The following MARCHF7 variants were observed in gnomAD, a reference collection of about 807,000 sequenced individuals.
MARCHF7 encodes the protein membrane associated ring-CH-type finger 7.
In MARCHF7, 20 loss-of-function variants were observed where a neutral mutation model predicts 76.5. The observed-to-expected ratio is 0.26, with a 90% CI of 0.18 to 0.38. The LOEUF (loss-of-function observed/expected upper bound fraction) is 0.38, where lower values mean the gene tolerates loss of function less well. Among genes scored for constraint, MARCHF7 ranks in the 10% least tolerant of loss-of-function variants. The probability of loss-of-function intolerance (pLI) is 1.00; values close to 1 mark genes in which losing one functional copy is unlikely to be tolerated. For missense variants in MARCHF7, 797 were observed against 812.9 expected, an observed-to-expected ratio of 0.98 and a Z score of 0.24; for synonymous variants, 295 against 293.0, an observed-to-expected ratio of 1.01 and a Z score of -0.07.
chr2:159,726,800 C>T (rs910436716), intron 3 of MARCHF7, among the ~76,000 whole-genome samples: 6 of 152,140 alleles, frequency 3.9e-5, no homozygotes, highest in Non-Finnish European at 8.8e-5. Flanking sequence ...AAACAACTCC[C>T]CATCCCCTGC....
At chr2:159,734,155 G>A (rs1218785020) in intron 4 of MARCHF7, 2 of 1,081,594 alleles carry the variant, frequency 1.8e-6, no homozygotes, top group African/African-American at 1.6e-5. Flanking sequence ...GTTATTTGTG[G>A]ATATGTAATT....
chr2:159,767,469 A>G lies in MARCHF7; in HGVS notation c.*127A>G, dbSNP rs1707937656. ...GACTATATATAAAATGAATATATAC[A>G]TACACATGTATGCCTGTATATATAT... is the stretch of plus-strand genomic sequence containing the variant. On this transcript the variant is annotated 3_prime_UTR_variant, in exon 12 of 12. Coordinates refer to ENST00000409175, the MANE Select transcript of MARCHF7 (RefSeq NM_001282805.2). 3.3e-6 allele frequency: 2 copies of G among 611,632 alleles called. No individual in the cohort carries two copies. The highest frequency in any genetic ancestry group is 2.1e-5 in the South Asian group (1 of 47,990). 37.9% of individuals were successfully genotyped at this position (611,632 alleles called of 1,614,324 possible). A position where few individuals can be genotyped will look rare whatever the true frequency, so the allele number is the denominator to read the frequency against.
intron 3 of MARCHF7, among the ~76,000 whole-genome samples, chr2:159,725,667 C>T (rs1024232062): frequency 3.3e-5 from 5 of 152,142 alleles, no homozygotes; most frequent in Non-Finnish European, 7.4e-5. Flanking sequence ...AAGCCCCTTT[C>T]CCCCAAATTT....
intron 4 of MARCHF7, among the ~76,000 whole-genome samples, chr2:159,731,231 A>G (rs1702752537): frequency 6.6e-6 from 1 of 152,112 alleles, no homozygotes; most frequent in Non-Finnish European, 1.5e-5. Flanking sequence ...CAGTTGTTAT[A>G]GTTACATGAC....
chr2:159,742,220 A>G (rs1308966655), intron 4 of MARCHF7, among the ~76,000 whole-genome samples: 1 of 151,962 alleles, frequency 6.6e-6, no homozygotes, highest in African/African-American at 2.4e-5. Context: ...TTGTTGATTC[A>G]CTGATGAAGA....
intron 4 of MARCHF7, among the ~76,000 whole-genome samples, chr2:159,731,944 A>G (rs1373813556): frequency 6.7e-6 from 1 of 149,764 alleles, no homozygotes; most frequent in African/African-American, 2.5e-5. Flanking sequence ...CTCCACTAAA[A>G]TTACAAAAAA....
chr2:159,754,555 T>G (rs1706053773), intron 8 of MARCHF7, among the ~76,000 whole-genome samples: 3 of 152,058 alleles, frequency 2.0e-5, no homozygotes, highest in Admixed American at 6.5e-5. Flanking sequence ...GGAACAGGAA[T>G]TAGAGTTACA....
chr2:159,760,354 G>GC (rs1280846204), intron 9 of MARCHF7, among the ~76,000 whole-genome samples: 1 of 152,122 alleles, frequency 6.6e-6, no homozygotes, highest in Non-Finnish European at 1.5e-5. Flanking sequence ...GAAGCTAATT[G>GC]CTTGGATCCA....
At chr2:159,756,976 T>G (rs977258344) in intron 8 of MARCHF7, among the ~76,000 whole-genome samples, 3 of 152,172 alleles carry the variant, frequency 2.0e-5, no homozygotes, top group Non-Finnish European at 4.4e-5. Flanking sequence ...TACTGCAACC[T>G]CTGCCTCCCG....
intron 4 of MARCHF7, among the ~76,000 whole-genome samples, chr2:159,737,133 G>A (rs1258578291): frequency 6.6e-6 from 1 of 152,112 alleles, no homozygotes; most frequent in African/African-American, 2.4e-5. Flanking sequence ...AGTTTCATAC[G>A]AGTGCTCATA....
chr2:159,747,876 T>C lies in MARCHF7; in HGVS notation c.586T>C (p.Leu196=), dbSNP rs2125596844. 6.2e-7 allele frequency: 1 copy of C among 1,614,122 alleles called. No homozygotes were observed. Among genetic ancestry groups the C allele is most frequent in the South Asian group, 1.1e-5 (1 of 91,066 alleles). The change falls in exon 7 of 12, where the codon TTG becomes CTG. Residue 196 remains leucine (L), a synonymous_variant. Transcript: ENST00000409175. The stretch of plus-strand genomic sequence containing the variant: ...AGAAAACTCAATGAGCACTTTACAG[T>C]TGAATACATCATCCACAAACCACCA... The part of the protein sequence containing the change: ...PKENSMSTLQ[L]NTSSTNHQLP...
intron 8 of MARCHF7, among the ~76,000 whole-genome samples, chr2:159,756,562 C>CTT (rs1311525691): frequency 6.6e-6 from 1 of 151,838 alleles, no homozygotes; most frequent in Admixed American, 6.6e-5. Context: ...TGGCGCACAC[C>CTT]TGTAATCCCA....
intron 3 of MARCHF7, among the ~76,000 whole-genome samples, chr2:159,721,363 G>A (rs1162190790): frequency 6.6e-6 from 1 of 152,166 alleles, no homozygotes; most frequent in Non-Finnish European, 1.5e-5. Flanking sequence ...AGGTTTGTGA[G>A]ATATAGACAG....
chr2:159,731,048 A>G (rs753053946), intron 4 of MARCHF7, among the ~76,000 whole-genome samples: 1 of 152,050 alleles, frequency 6.6e-6, no homozygotes, highest in Non-Finnish European at 1.5e-5. Flanking sequence ...ACGTGCCACC[A>G]TGCCTAGCTA....
intron 8 of MARCHF7, among the ~76,000 whole-genome samples, chr2:159,754,391 A>G (rs897028861): frequency 6.6e-6 from 1 of 152,210 alleles, no homozygotes; most frequent in African/African-American, 2.4e-5. Flanking sequence ...TGGATTTGAT[A>G]GCATAGATGT....
chr2:159,725,294 C>G (rs180883956), intron 3 of MARCHF7, among the ~76,000 whole-genome samples: 66 of 152,320 alleles, frequency 4.3e-4, no homozygotes, highest in African/African-American at 1.4e-3. Flanking sequence ...TTTACAGTCC[C>G]ACCAACAATG....
At chr2:159,742,918 C>G in intron 4 of MARCHF7, 143 bp from the exon 5 acceptor site, 1 of 699,254 alleles carries the variant, frequency 1.4e-6, no homozygotes, top group Non-Finnish European at 2.3e-6. Context: ...GCTTGGGCAA[C>G]AGAGCAAGAC....
chr2:159,714,758 C>T (rs79410099), intron 2 of MARCHF7, among the ~76,000 whole-genome samples, 160 bp downstream of exon 2: 9,522 of 152,194 alleles, frequency 0.063, 385 homozygotes, highest in Non-Finnish European at 0.09. Context: ...CCCATCTCTA[C>T]GGGCATGGTG....
chr2:159,719,414 C>T (rs1415311260), intron 3 of MARCHF7, among the ~76,000 whole-genome samples: 1 of 144,030 alleles, frequency 6.9e-6, no homozygotes, highest in Non-Finnish European at 1.6e-5. Flanking sequence ...TCCCAATCCC[C>T]TGAAAGAAAA....
Sources: gnomAD v4.1 joint callset for allele counts (sites outside exome capture counted in the v4.1 genomes callset) on GRCh38, gnomAD v4.1.1 for gene constraint, MANE v1.5 for transcripts, NCBI Gene and HGNC (gene_info 2026-07-23, HGNC 2026-07-21) for gene names.